TPGS2: variants seen among roughly 807,000 people sequenced by gnomAD.
TPGS2 encodes polyglutamylase subunit 2.
Under a neutral mutation model 31.1 loss-of-function variants are expected in TPGS2, and 26 were observed. That is an observed-to-expected ratio of 0.84 (90% CI 0.61 to 1.16). TPGS2 has a LOEUF of 1.16. Among genes scored for constraint, TPGS2 ranks in the 50% most tolerant of loss-of-function variants. The pLI is 0.00. For missense variants in TPGS2, 351 were observed against 363.8 expected (o/e 0.96, Z 0.29); for synonymous variants, 130 against 136.6 (o/e 0.95, Z 0.34).
intron 2 of TPGS2, among the ~76,000 whole-genome samples, chr18:36,816,590 C>T (rs1057139153): frequency 5.9e-5 from 9 of 152,308 alleles, no homozygotes; most frequent in South Asian, 4.1e-4. Flanking sequence ...CTGACTCTCA[C>T]AAAAGAGCCC....
At chr18:36,816,775 A>G (rs1185315899) in intron 2 of TPGS2, among the ~76,000 whole-genome samples, 2 of 152,092 alleles carry the variant, frequency 1.3e-5, no homozygotes, top group Non-Finnish European at 2.9e-5. Context: ...CGCCCGGCTA[A>G]TTTTTGTATT....
intron 4 of TPGS2, among the ~76,000 whole-genome samples, chr18:36,801,633 A>AT (rs1181641121): frequency 2.0e-5 from 3 of 152,110 alleles, no homozygotes; most frequent in East Asian, 1.9e-4. Context: ...TGAACAACCT[A>AT]TTTTTTCCTT....
At chr18:36,806,850 TAAAAAAAAAAAAAAAAAA>T (rs397962723) in intron 3 of TPGS2, among the ~76,000 whole-genome samples, 10 of 37,330 alleles carry the variant, frequency 2.7e-4, no homozygotes, top group Admixed American at 4.1e-4. Context: ...GACTCCATCT[TAAAAAAAAAAAAAAAAAA>T]AAAAAAAAAA....
At chr18:36,807,978 G>C (rs1328156058) in intron 2 of TPGS2, 44 bp from the exon 3 acceptor site, 2 of 1,596,720 alleles carry the variant, frequency 1.3e-6, no homozygotes, top group African/African-American at 1.3e-5. Context: ...GGCTGGGAAA[G>C]AGGGTACAGG....
chr18:36,802,868 C>T (rs1218097091), intron 4 of TPGS2, among the ~76,000 whole-genome samples: 3 of 152,090 alleles, frequency 2.0e-5, no homozygotes, highest in Non-Finnish European at 4.4e-5. Flanking sequence ...CCTCATGATT[C>T]GCCCCCCTCG....
Position 36,797,018 on chromosome 18 carries a change from G to A in TPGS2, c.690C>T (p.Tyr230=), listed in dbSNP as rs1192598822. The change falls in exon 7 of 7, where the codon TAC becomes TAT. Residue 230 remains tyrosine, a synonymous_variant. Coordinates refer to ENST00000334295, the MANE Select transcript of TPGS2 (RefSeq NM_015476.4). ...QWFSMYKPIT[Y]NTNLLTEETD... ...TCTCTTCTGTGAGCAGGTTTGTGTT[G>A]TAGGTGATAGGTTTATACATGCTGA... 1.3e-6 allele frequency: 2 copies of A among 1,598,524 alleles called. No homozygotes were observed. Among genetic ancestry groups the A allele is most frequent in the East Asian group, 2.2e-5 (1 of 44,728 alleles).
chr18:36,794,880 C>CACGT lies in TPGS2; in HGVS notation c.*1921_*1924dup, dbSNP rs1556774381. 2.1e-6 allele frequency: 2 copies of CACGT among 970,364 alleles called. No individual in the cohort carries two copies. The highest frequency in any genetic ancestry group is 3.8e-5 in the African/African-American group (2 of 53,064). 60.1% of individuals were successfully genotyped at this position (970,364 alleles called of 1,614,324 possible). A position where few individuals can be genotyped will look rare whatever the true frequency, so the allele number is the denominator to read the frequency against. On this transcript the variant is annotated 3_prime_UTR_variant, in exon 7 of 7. Transcript: ENST00000334295. ...ACACACACACACACACACACACACA[C>CACGT]ACGTTTAAATGACCACACTGAATTA...
At chr18:36,785,554 G>C (rs1185399481) in intron 6 of TPGS2, among the ~76,000 whole-genome samples, 1 of 152,132 alleles carries the variant, frequency 6.6e-6, no homozygotes, top group East Asian at 1.9e-4. Flanking sequence ...TCGAGGGAGG[G>C]CCAAGCCCAT....
chr18:36,814,863 A>T (rs547342413), intron 2 of TPGS2, among the ~76,000 whole-genome samples: 104 of 152,318 alleles, frequency 6.8e-4, no homozygotes, highest in African/African-American at 2.5e-3. Context: ...CATTTATCCC[A>T]GTTTTACTTA....
At chr18:36,800,152 A>G in intron 5 of TPGS2, 46 bp downstream of exon 5, 1 of 1,560,538 alleles carries the variant, frequency 6.4e-7, no homozygotes, top group Admixed American at 1.7e-5. Flanking sequence ...AAGGTCAGGC[A>G]AGACCCTAGC....
At chr18:36,790,750 T>C (rs1482613312), downstream of TPGS2, among the ~76,000 whole-genome samples, 1 of 152,226 alleles carries the variant, frequency 6.6e-6, no homozygotes, top group Non-Finnish European at 1.5e-5. Flanking sequence ...ATTAACAGCA[T>C]TTTTACTTTT....
intron 2 of TPGS2, among the ~76,000 whole-genome samples, chr18:36,813,818 G>A (rs1040576554): frequency 4.6e-5 from 7 of 152,212 alleles, no homozygotes; most frequent in African/African-American, 1.7e-4. Flanking sequence ...AAGAAGTGAA[G>A]TGCTAGAGAG....
chr18:36,808,923 A>G (rs1005257188), intron 2 of TPGS2, among the ~76,000 whole-genome samples: 1 of 151,964 alleles, frequency 6.6e-6, no homozygotes, highest in African/African-American at 2.4e-5. Context: ...GAGTTCTCCA[A>G]TTCATTTCCT....
chr18:36,787,528 G>A (rs144501385), intron 6 of TPGS2, among the ~76,000 whole-genome samples: 2 of 152,106 alleles, frequency 1.3e-5, no homozygotes, highest in East Asian at 1.9e-4. Context: ...TTTTTAAATC[G>A]CAATTTTCAA....
chr18:36,803,652 C>CATA (rs1320430329), intron 4 of TPGS2, among the ~76,000 whole-genome samples: 3 of 152,142 alleles, frequency 2.0e-5, no homozygotes, highest in African/African-American at 7.2e-5. Context: ...CCTTTTCCCT[C>CATA]ATAATTCCCC....
downstream of TPGS2, among the ~76,000 whole-genome samples, chr18:36,790,566 T>G (rs549017193): frequency 6.6e-5 from 10 of 152,202 alleles, no homozygotes; most frequent in Non-Finnish European, 1.3e-4. Context: ...CCACAGCTAG[T>G]AAGTGGCAAG....
chr18:36,802,147 G>A (rs2044850324), intron 4 of TPGS2, among the ~76,000 whole-genome samples: 1 of 152,118 alleles, frequency 6.6e-6, no homozygotes, highest in Non-Finnish European at 1.5e-5. Context: ...TTTGTCTGTT[G>A]TTTGTCATTG....
At position 36,796,815 on chromosome 18, in the gene TPGS2, G is replaced by A. The variant is rs779352669; in HGVS notation, c.893C>T (p.Thr298Ile). The A allele has an allele frequency of 2.5e-6, 4 of 1,595,682 alleles. No individual in the cohort carries two copies. Among genetic ancestry groups the A allele is most frequent in the South Asian group, 2.3e-5 (2 of 86,848 alleles). The change falls in exon 7 of 7, where the codon ACC (threonine) becomes ATC (isoleucine). Residue 298 changes from threonine (T) to isoleucine (I), a missense_variant. Coordinates refer to ENST00000334295, the MANE Select transcript of TPGS2 (RefSeq NM_015476.4). ...TGGAGGGAGGGGTGCTCACTTCCGG[G>A]TGGGGTTTCCAGAGCCAGAGGAGGA... is the stretch of plus-strand genomic sequence containing the variant. Reference protein sequence around the residue: ...SKSSSGSGNPTRK With the variant: ...SKSSSGSGNPIRK
chr18:36,796,545 G>A lies in TPGS2; in HGVS notation c.*260C>T. 7.8e-7 allele frequency: 1 copy of A among 1,281,274 alleles called. No individual in the cohort carries two copies. The highest frequency in any genetic ancestry group is 9.8e-7 in the Non-Finnish European group (1 of 1,018,212). The allele number at this position is 1,281,274 out of a possible 1,614,324, so 79.4% of individuals were successfully genotyped here. On this transcript the variant is annotated 3_prime_UTR_variant, in exon 7 of 7. Transcript: ENST00000334295. ...TTGAGGGTTGAGTGTTGAAGAAGAG[G>A]AAAGCACTCAGACTTATTTGGGCAC...
Sources: allele counts gnomAD v4.1 joint callset (sites outside exome capture counted in the v4.1 genomes callset), GRCh38; gene constraint gnomAD v4.1.1; transcripts MANE v1.5; gene names NCBI Gene and HGNC (gene_info 2026-07-23, HGNC 2026-07-21).